Variants in ANKRD36C observed in about 807,000 individuals in gnomAD.
ANKRD36C encodes ankyrin repeat domain 36C.
ANKRD36C carries 61 observed loss-of-function variants against 276.4 expected under a neutral mutation model. The ratio of observed to expected loss-of-function variants is 0.22; its 90% confidence interval spans 0.18 to 0.27. ANKRD36C has a LOEUF of 0.27. ANKRD36C is among the 10% of genes least tolerant of loss of function. ANKRD36C has a pLI of 1.00. For synonymous variants in ANKRD36C, 483 were observed against 680.1 expected (o/e 0.71, Z 4.51); for missense variants, 1,447 against 2,032.3 (o/e 0.71, Z 5.54).
At chr2:95,921,515 C>A (rs974303497) in intron 34 of ANKRD36C, 92 bp downstream of exon 34, 24 of 1,505,822 alleles carry the variant, frequency 1.6e-5, no homozygotes, top group Middle Eastern at 2.3e-4. Context: ...TTCGGCGAGC[C>A]CCCCCACCTG....
At chr2:95,978,916 G>A (rs1159744716) in intron 5 of ANKRD36C, among the ~76,000 whole-genome samples, 3 of 151,984 alleles carry the variant, frequency 2.0e-5, no homozygotes, top group Non-Finnish European at 1.5e-5. Flanking sequence ...GTCAAGATCT[G>A]GCTTGGGCTA....
At chr2:95,922,291 T>G (rs1281874732) in intron 32 of ANKRD36C, among the ~76,000 whole-genome samples, 1 of 151,660 alleles carries the variant, frequency 6.6e-6, no homozygotes, top group East Asian at 2.0e-4. Context: ...CAGTTGAATG[T>G]ACACCTCATG....
chr2:95,912,012 C>G (rs939916687), intron 42 of ANKRD36C, among the ~76,000 whole-genome samples: 1 of 151,438 alleles, frequency 6.6e-6, no homozygotes, highest in African/African-American at 2.4e-5. Context: ...TCTTCAACTG[C>G]TCTCCATATT....
intron 34 of ANKRD36C, among the ~76,000 whole-genome samples, chr2:95,921,154 A>G (rs956611423): frequency 2.0e-5 from 3 of 150,714 alleles, no homozygotes; most frequent in African/African-American, 4.9e-5. Flanking sequence ...TTGGGAAAAT[A>G]ATTGCTACAT....
At chr2:95,963,944 A>T (rs1447659651) in intron 6 of ANKRD36C, among the ~76,000 whole-genome samples, 27 of 82,698 alleles carry the variant, frequency 3.3e-4, no homozygotes, top group South Asian at 1.0e-3. Flanking sequence ...TACATATATA[A>T]ATATATATAT....
At chr2:95,919,903 G>A in intron 34 of ANKRD36C, 2 of 1,545,908 alleles carry the variant, frequency 1.3e-6, no homozygotes, top group Non-Finnish European at 1.7e-6. Flanking sequence ...TTCAAGGCTG[G>A]TTGTTTCTGA....
Position 95,912,456 on chromosome 2 carries a change from A to T in ANKRD36C, c.2552-21T>A, listed in dbSNP as rs754613477. The T allele has an allele frequency of 6.2e-6, 10 of 1,604,984 alleles. No homozygotes were observed. In the South Asian group the frequency reaches 1.1e-4, roughly 18 times the overall value. On this transcript the variant is annotated intron_variant, in intron 40 of 66. Transcript: ENST00000456556. ...AGACACTGAAAAGCAAAAGGGATAC[A>T]TAATCACTCACACGTAAATATGATA...
intron 48 of ANKRD36C, among the ~76,000 whole-genome samples, chr2:95,888,554 G>C (rs1210516618): frequency 6.6e-6 from 1 of 151,642 alleles, no homozygotes; most frequent in African/African-American, 2.4e-5. Flanking sequence ...TCTTTAACTT[G>C]CCCAATAACT....
At chr2:95,968,162 T>C (rs1014536631) in intron 6 of ANKRD36C, among the ~76,000 whole-genome samples, 12 of 152,168 alleles carry the variant, frequency 7.9e-5, no homozygotes, top group Admixed American at 6.5e-4. Flanking sequence ...AAGACTTTGA[T>C]GCTTTATTAC....
chr2:95,882,266 A>C, intron 56 of ANKRD36C, 36 bp downstream of exon 76: 1 of 1,547,590 alleles, frequency 6.5e-7, no homozygotes, highest in Middle Eastern at 2.3e-4. Context: ...TTCTATCTTG[A>C]GTGCACATGA....
At chr2:95,921,349 T>C (rs1466995423) in intron 34 of ANKRD36C, among the ~76,000 whole-genome samples, 9 of 151,280 alleles carry the variant, frequency 5.9e-5, no homozygotes, top group Non-Finnish European at 1.2e-4. Context: ...GCCCCTTATG[T>C]CTTGAACCTC....
intron 34 of ANKRD36C, among the ~76,000 whole-genome samples, chr2:95,919,411 AC>A (rs1473078502): frequency 7.6e-6 from 1 of 132,306 alleles, no homozygotes; most frequent in African/African-American, 2.6e-5. Context: ...TTCTCCTTCC[AC>A]CCTTAGTGAA....
At chr2:95,910,257 C>A in intron 42 of ANKRD36C, 116 bp downstream of exon 46, 2 of 1,208,550 alleles carry the variant, frequency 1.7e-6, no homozygotes, top group South Asian at 2.8e-5. Context: ...TGAAGAATCT[C>A]CGGCCTGCTG....
chr2:95,986,857 G>C (rs752016650), exon 3 of ANKRD36C: 4 of 1,611,832 alleles, frequency 2.5e-6, no homozygotes, highest in Non-Finnish European at 3.4e-6. Context: ...AAAGACATCC[G>C]TAATATTTGG....
intron 20 of ANKRD36C, among the ~76,000 whole-genome samples, chr2:95,940,764 T>C (rs1677859245): frequency 1.3e-5 from 2 of 148,760 alleles, no homozygotes. Context: ...AGCCAGCTGC[T>C]TTCTTAATTT....
At chr2:95,958,280 T>C (rs1311848514) in intron 12 of ANKRD36C, among the ~76,000 whole-genome samples, 5 of 152,120 alleles carry the variant, frequency 3.3e-5, no homozygotes, top group South Asian at 2.1e-4. Flanking sequence ...TTCTCCTTCC[T>C]GTCTTGATGG....
chr2:95,871,465 A>C (rs372036024), intron 59 of ANKRD36C, among the ~76,000 whole-genome samples: 4 of 152,126 alleles, frequency 2.6e-5, no homozygotes, highest in East Asian at 3.9e-4. Flanking sequence ...CAAGCAAATG[A>C]TGAGAGATTT....
intron 19 of ANKRD36C, among the ~76,000 whole-genome samples, chr2:95,943,475 C>G (rs1188838192): frequency 7.0e-6 from 1 of 141,912 alleles, no homozygotes; most frequent in African/African-American, 2.5e-5. Context: ...CAGAGCGAGA[C>G]TCCGTCTCAA....
At chr2:95,914,597 A>G (rs1047555000) in intron 38 of ANKRD36C, among the ~76,000 whole-genome samples, 1 of 151,542 alleles carries the variant, frequency 6.6e-6, no homozygotes, top group Non-Finnish European at 1.5e-5. Context: ...ATGAGAACAT[A>G]TGTGATCTAA....
Sources: gnomAD v4.1 joint callset for allele counts (sites outside exome capture counted in the v4.1 genomes callset) on GRCh38, gnomAD v4.1.1 for gene constraint, MANE v1.5 for transcripts, NCBI Gene and HGNC (gene_info 2026-07-23, HGNC 2026-07-21) for gene names.